Variants in COL19A1 observed in about 807,000 individuals in gnomAD.
COL19A1 encodes collagen alpha-1(XIX) chain.
Under a neutral mutation model 190.2 loss-of-function variants are expected in COL19A1, and 159 were observed. The observed-to-expected ratio is 0.84, with a 90% CI of 0.73 to 0.95. COL19A1 has a LOEUF of 0.95. Ranked by LOEUF, COL19A1 falls within the 40% of genes least tolerant of loss-of-function variation. COL19A1 has a pLI of 0.00. For missense variants in COL19A1, 1,418 were observed against 1,431.9 expected, an observed-to-expected ratio of 0.99 and a Z score of 0.16; for synonymous variants, 509 against 458.9, an observed-to-expected ratio of 1.11 and a Z score of -1.39.
chr6:69,867,031 C>CA lies in COL19A1; in HGVS notation c.-33+399dup, dbSNP rs969274446. Among the ~76,000 whole-genome samples, 11 of 148,544 alleles carry CA rather than the reference C, an allele frequency of 7.4e-5. No individual in the cohort carries two copies. The South Asian group carries it at 1.1e-3, about 14-fold the overall frequency. ...GTAGGGACAGACATCAAATACATTA[C>CA]AAAAAAAATGGGGGGTTAAAGGAGT... On this transcript the variant is annotated intron_variant, in intron 1 of 50. Coordinates refer to ENST00000620364, the MANE Select transcript of COL19A1 (RefSeq NM_001858.6).
intron 14 of COL19A1, among the ~76,000 whole-genome samples, chr6:70,053,281 A>G (rs1389317055): frequency 2.6e-5 from 4 of 152,212 alleles, no homozygotes; most frequent in African/African-American, 9.6e-5. Flanking sequence ...TGAAAATAAC[A>G]TTCTGATTGC....
chr6:69,943,756 T>A (rs1030590317), intron 9 of COL19A1, among the ~76,000 whole-genome samples: 1 of 152,212 alleles, frequency 6.6e-6, no homozygotes, highest in Non-Finnish European at 1.5e-5. Flanking sequence ...CATTGGTCTG[T>A]GTGACTGTTG....
At chr6:69,928,520 G>A (rs1157278539) in intron 5 of COL19A1, among the ~76,000 whole-genome samples, 1 of 152,154 alleles carries the variant, frequency 6.6e-6, no homozygotes, top group Non-Finnish European at 1.5e-5. Context: ...AAAGAGATCT[G>A]AAAAACAGAA....
chr6:70,092,803 G>A (rs936286096), intron 15 of COL19A1, among the ~76,000 whole-genome samples: 1 of 152,094 alleles, frequency 6.6e-6, no homozygotes, highest in African/African-American at 2.4e-5. Context: ...ATGTAACTCA[G>A]AAATACTGAA....
At chr6:70,160,241 G>A (rs1420109698) in intron 34 of COL19A1, among the ~76,000 whole-genome samples, 1 of 152,080 alleles carries the variant, frequency 6.6e-6, no homozygotes, top group Non-Finnish European at 1.5e-5. Context: ...GAGGAGGCAA[G>A]CACCTTTACG....
rs539935403 is a variant in COL19A1, at chr6:70,152,870, A to T, written c.2079+1432A>T. Among the ~76,000 whole-genome samples the T allele has an allele frequency of 2.0e-5, 3 of 152,300 alleles. No individual in the cohort carries two copies. In the East Asian group the frequency reaches 5.8e-4, roughly 29 times the overall value. ...GGATGAGAAACTTGTATGCTTTAGT[A>T]GAAATGAATATACTGGTAGAATATG... On this transcript the variant is annotated intron_variant, in intron 31 of 50. Coordinates refer to ENST00000620364, the MANE Select transcript of COL19A1 (RefSeq NM_001858.6).
At chr6:70,184,594 G>A in intron 44 of COL19A1, 109 bp from the exon 45 acceptor site, 1 of 848,710 alleles carries the variant, frequency 1.2e-6, no homozygotes, top group Admixed American at 2.4e-5. Context: ...TCTTTACCAA[G>A]CTCTCAGTAG....
chr6:69,913,302 C>T (rs1306809124), intron 4 of COL19A1, among the ~76,000 whole-genome samples: 1 of 152,146 alleles, frequency 6.6e-6, no homozygotes, highest in African/African-American at 2.4e-5. Flanking sequence ...CAAAGTATTT[C>T]ATTCAATTCC....
intron 34 of COL19A1, among the ~76,000 whole-genome samples, chr6:70,159,816 G>A (rs1218417957): frequency 1.3e-5 from 2 of 152,228 alleles, no homozygotes; most frequent in South Asian, 2.1e-4. Context: ...ATTGTATGAT[G>A]ACAAAGAATG....
rs368305094 is a variant in COL19A1 at position 70,173,764 on chromosome 6, C to T, written c.2622+1747C>T. Reference sequence around the variant, plus strand: ...GACAGAGTTTTGCTGCAAACGGTAGCGAATAAATAGGCCAGAGGCTGCTAG... The same window carrying T: ...GACAGAGTTTTGCTGCAAACGGTAGTGAATAAATAGGCCAGAGGCTGCTAG... On this transcript the variant is annotated intron_variant, in intron 41 of 50. Transcript: ENST00000620364. Among the ~76,000 whole-genome samples, 16 of 152,124 alleles carry T rather than the reference C, an allele frequency of 1.1e-4. No individual in the cohort carries two copies. In the South Asian group the frequency reaches 2.5e-3, roughly 24 times the overall value.
chr6:70,151,323 A>G, intron 30 of COL19A1, 74 bp from the exon 31 acceptor site: 2 of 1,470,432 alleles, frequency 1.4e-6, no homozygotes, highest in Non-Finnish European at 1.9e-6. Context: ...AAATGTCTAC[A>G]TTATACTGTA....
At chr6:69,989,988 G>A (rs1582621340) in intron 11 of COL19A1, among the ~76,000 whole-genome samples, 1 of 151,976 alleles carries the variant, frequency 6.6e-6, no homozygotes, top group Admixed American at 6.6e-5. Context: ...GCTTTATCTT[G>A]TTAAGAAAAT....
At chr6:70,055,386 T>A (rs1582793784) in intron 14 of COL19A1, among the ~76,000 whole-genome samples, 1 of 150,044 alleles carries the variant, frequency 6.7e-6, no homozygotes, top group Non-Finnish European at 1.5e-5. Context: ...TCCATATTGC[T>A]TGTAATAGTA....
At chr6:69,927,757 AT>A (rs1369883320) in intron 4 of COL19A1, 151 bp from the exon 5 acceptor site, 17 of 993,702 alleles carry the variant, frequency 1.7e-5, no homozygotes, top group Non-Finnish European at 2.4e-5. Context: ...GTACCAGAAG[AT>A]TTTTTAAAAG....
chr6:70,057,642 A>C (rs914025477), intron 14 of COL19A1, among the ~76,000 whole-genome samples: 2 of 152,058 alleles, frequency 1.3e-5, no homozygotes, highest in African/African-American at 4.8e-5. Context: ...AATCAATGTG[A>C]GATAAATTAA....
At chr6:70,159,538 T>C (rs1181591097) in intron 34 of COL19A1, among the ~76,000 whole-genome samples, 3 of 152,116 alleles carry the variant, frequency 2.0e-5, no homozygotes, top group Non-Finnish European at 4.4e-5. Flanking sequence ...TTATGAGGAA[T>C]TCTAGCATGT....
intron 4 of COL19A1, among the ~76,000 whole-genome samples, chr6:69,911,875 A>G (rs962377581): frequency 1.6e-4 from 25 of 152,026 alleles, no homozygotes; most frequent in Non-Finnish European, 3.1e-4. Flanking sequence ...TTACAGAAAC[A>G]TTTTCCCTGG....
intron 11 of COL19A1, among the ~76,000 whole-genome samples, chr6:70,002,877 T>G (rs933774296): frequency 4.0e-5 from 6 of 151,652 alleles, no homozygotes; most frequent in African/African-American, 7.3e-5. Context: ...CGTGTCTCTA[T>G]CTCCTTCAAT....
chr6:70,124,565 A>T (rs1785080868), intron 17 of COL19A1, among the ~76,000 whole-genome samples: 1 of 152,122 alleles, frequency 6.6e-6, no homozygotes. Flanking sequence ...CAAAAAAAAA[A>T]AAAAAATGGG....
Sources: allele counts gnomAD v4.1 joint callset (sites outside exome capture counted in the v4.1 genomes callset), GRCh38; gene constraint gnomAD v4.1.1; transcripts MANE v1.5; gene names NCBI Gene and HGNC (gene_info 2026-07-23, HGNC 2026-07-21).